Variants in APH1B observed in about 807,000 individuals in gnomAD.
The protein encoded by APH1B is gamma-secretase subunit APH-1B.
A neutral mutation model predicts 28.2 loss-of-function variants in APH1B; 27 were observed. That is an observed-to-expected ratio of 0.96 (90% CI 0.70 to 1.32). The LOEUF (loss-of-function observed/expected upper bound fraction) is 1.32. Ranked by LOEUF, APH1B falls within the 40% of genes most tolerant of loss-of-function variation. APH1B has a pLI of 0.00. For missense variants in APH1B, 305 were observed against 313.6 expected (o/e 0.97, Z 0.21); for synonymous variants, 141 against 124.6 (o/e 1.13, Z -0.88).
intron 2 of APH1B, among the ~76,000 whole-genome samples, chr15:63,280,994 C>G (rs891739704): frequency 6.6e-6 from 1 of 151,930 alleles, no homozygotes; most frequent in African/African-American, 2.4e-5. Flanking sequence ...ACAACAAATA[C>G]AAAAATTAAC....
chr15:63,296,051 A>T (rs1489677492), intron 4 of APH1B, among the ~76,000 whole-genome samples: 1 of 152,268 alleles, frequency 6.6e-6, no homozygotes, highest in Non-Finnish European at 1.5e-5. Flanking sequence ...TCTATATTAC[A>T]GTAAATCAGG....
chr15:63,307,362 T>C lies in APH1B; in HGVS notation c.*1581T>C, dbSNP rs1367038853. On this transcript the variant is annotated 3_prime_UTR_variant, in exon 6 of 6. Coordinates refer to ENST00000261879, the MANE Select transcript of APH1B (RefSeq NM_031301.4). ...CCCCATGTTTAAAATATTAGAATGTTTAGAGATAAAATAGAGATAATAGAG... is the reference window on the plus strand; with the variant it reads ...CCCCATGTTTAAAATATTAGAATGTCTAGAGATAAAATAGAGATAATAGAG... 6.6e-6 allele frequency: 1 copy of C among 152,060 alleles called. No individual in the cohort carries two copies. The highest frequency in any genetic ancestry group is 1.9e-4 in the East Asian group (1 of 5,198). 9.4% of individuals were successfully genotyped at this position (152,060 alleles called of 1,614,324 possible).
At chr15:63,277,791 G>A in intron 1 of APH1B, 55 bp downstream of exon 1, 2 of 1,545,792 alleles carry the variant, frequency 1.3e-6, no homozygotes, top group Non-Finnish European at 1.8e-6. Context: ...CCCCGCTGGG[G>A]TTACCCGCGA....
rs2038713130 is a variant in APH1B, at chr15:63,308,779, G to A, written c.*2998G>A. The A allele has an allele frequency of 6.6e-6, 1 of 152,220 alleles. No individual in the cohort carries two copies. The highest frequency in any genetic ancestry group is 2.1e-4 in the South Asian group (1 of 4,832). 9.4% of individuals were successfully genotyped at this position (152,220 alleles called of 1,614,324 possible). On this transcript the variant is annotated 3_prime_UTR_variant, in exon 6 of 6. Coordinates refer to ENST00000261879, the MANE Select transcript of APH1B (RefSeq NM_031301.4). ...TTCCAGGGAAGAGTTCCTGGAGGGT[G>A]TTGGCTGTTTTTGTTAGCTCAGTTT...
intron 5 of APH1B, among the ~76,000 whole-genome samples, chr15:63,303,230 C>T (rs765610809): frequency 9.2e-5 from 14 of 152,216 alleles, no homozygotes; most frequent in Non-Finnish European, 1.3e-4. Flanking sequence ...TCAAAACATT[C>T]TCAGCCCCCA....
rs942755041 is a variant in APH1B, at chr15:63,307,466, C to G, written c.*1685C>G. 2.0e-5 allele frequency: 3 copies of G among 152,188 alleles called. No homozygotes were observed. The highest frequency in any genetic ancestry group is 4.4e-5 in the Non-Finnish European group (3 of 68,034). The allele number at this position is 152,188 out of a possible 1,614,324, so 9.4% of individuals were successfully genotyped here. A position where few individuals can be genotyped will look rare whatever the true frequency, so the allele number is the denominator to read the frequency against. ...GTGGTTATTCCCCTAAAGTTTACTT[C>G]AGCACTAACACTAGTGCTTCCGCTG... On this transcript the variant is annotated 3_prime_UTR_variant, in exon 6 of 6. Transcript: ENST00000261879.
At chr15:63,291,875 A>G (rs1345063027) in intron 4 of APH1B, 2 of 152,212 alleles carry the variant, frequency 1.3e-5, no homozygotes, top group East Asian at 1.9e-4. Flanking sequence ...GTTAATGGCC[A>G]CTTAGCCTGG....
In APH1B at chr15:63,298,367, C is replaced by T. The variant is rs548402184; in HGVS notation, c.479-3978C>T. Among the ~76,000 whole-genome samples, 6 of 152,204 alleles carry T rather than the reference C, an allele frequency of 3.9e-5. No individual in the cohort carries two copies. In the South Asian group the frequency reaches 1.2e-3, roughly 32 times the overall value. ...CTGAAACTACAGCTGCACACTGCCA[C>T]GCCTGGCTAATTTTTGTATTTGTTG... On this transcript the variant is annotated intron_variant, in intron 4 of 5. Transcript: ENST00000261879.
At chr15:63,284,839 T>G (rs1307946418) in intron 2 of APH1B, among the ~76,000 whole-genome samples, 1 of 152,262 alleles carries the variant, frequency 6.6e-6, no homozygotes, top group East Asian at 1.9e-4. Flanking sequence ...CTTCTTTGTG[T>G]CCACATGGAT....
intron 1 of APH1B, chr15:63,278,067 T>A: frequency 2.6e-6 from 1 of 389,120 alleles, no homozygotes; most frequent in South Asian, 2.3e-5. Flanking sequence ...TTCCCTCAGA[T>A]TCTCAAAGGC....
intron 4 of APH1B, among the ~76,000 whole-genome samples, chr15:63,294,428 A>T (rs898872013): frequency 1.3e-5 from 2 of 152,086 alleles, no homozygotes; most frequent in African/African-American, 4.8e-5. Flanking sequence ...AACCTCCTCC[A>T]TGCCCACTTC....
chr15:63,305,776 A>T lies in APH1B; in HGVS notation c.769A>T (p.Arg257Ter), dbSNP rs1306316352. The change falls in exon 6 of 6, where the codon AGA becomes TGA. Residue 257 changes from arginine to a stop codon, truncating the protein, a stop_gained. Transcript: ENST00000261879. LOFTEE classifies it high-confidence loss of function. ...CTTTCTTCTTTACAACCAGCGCTCCAGATAACCTCAGGGAACCAGCACTTC... is the reference window on the plus strand; with the variant it reads ...CTTTCTTCTTTACAACCAGCGCTCCTGATAACCTCAGGGAACCAGCACTTC... ...KNFLLYNQRS[R>*] The T allele has an allele frequency of 3.7e-6, 6 of 1,613,460 alleles. No individual in the cohort carries two copies. In the Admixed American group the frequency reaches 1.0e-4, roughly 27 times the overall value.
intron 5 of APH1B, among the ~76,000 whole-genome samples, chr15:63,303,564 C>T (rs916210802): frequency 1.3e-5 from 2 of 152,186 alleles, no homozygotes; most frequent in African/African-American, 4.8e-5. Flanking sequence ...GGCACGATCA[C>T]GGCTCATTGC....
intron 4 of APH1B, among the ~76,000 whole-genome samples, chr15:63,288,246 C>G (rs892166489): frequency 2.6e-5 from 4 of 152,062 alleles, no homozygotes; most frequent in Non-Finnish European, 5.9e-5. Flanking sequence ...AACATCTATG[C>G]TAAAGCTCCT....
chr15:63,286,614 G>A lies in APH1B; in HGVS notation c.341G>A (p.Arg114Gln), dbSNP rs770117044. 72 of 1,606,432 alleles carry A rather than the reference G, an allele frequency of 4.5e-5. No homozygotes were observed. Among genetic ancestry groups the A allele is most frequent in the Non-Finnish European group, 5.9e-5 (69 of 1,177,474 alleles). ...CCAGGTGAGACAGCACCCTCTATGCGACTGCTGGCCTATGGTAAGTTAGAA... is the reference window on the plus strand; with the variant it reads ...CCAGGTGAGACAGCACCCTCTATGCAACTGCTGGCCTATGGTAAGTTAGAA... ...INPGETAPSMRLLAYVSGLGF... is the reference protein window; with the variant it reads ...INPGETAPSMQLLAYVSGLGF... The change falls in exon 3 of 6, where the codon CGA becomes CAA. Residue 114 changes from arginine (R) to glutamine (Q), a missense_variant. Coordinates refer to ENST00000261879, the MANE Select transcript of APH1B (RefSeq NM_031301.4).
At chr15:63,279,958 C>T (rs933004365) in intron 2 of APH1B, among the ~76,000 whole-genome samples, 3 of 151,964 alleles carry the variant, frequency 2.0e-5, no homozygotes, top group African/African-American at 2.4e-5. Flanking sequence ...CCACCATGCC[C>T]GGCTAATTTT....
chr15:63,279,767 T>C (rs2038365636), intron 2 of APH1B, among the ~76,000 whole-genome samples: 1 of 151,882 alleles, frequency 6.6e-6, no homozygotes, highest in Non-Finnish European at 1.5e-5. Context: ...AGAATGTATA[T>C]GTTCTCTTTG....
intron 4 of APH1B, among the ~76,000 whole-genome samples, chr15:63,296,430 C>G (rs1033789045): frequency 9.2e-5 from 14 of 152,298 alleles, no homozygotes; most frequent in Admixed American, 2.0e-4. Context: ...TTAGAGATAC[C>G]CTGCCCGTGT....
Position 63,279,214 on chromosome 15 carries a change from C to G in APH1B, c.167C>G (p.Ala56Gly). The stretch of plus-strand genomic sequence containing the variant: ...ATTTCGTCCCTTGTTTGGTTCATGG[C>G]AAGAGTCATTATTGACAACAAAGAT... ...LLISSLVWFM[A>G]RVIIDNKDGP... Residue 56 changes from alanine to glycine, a missense_variant, in exon 2 of 6, where the codon GCA (alanine) becomes GGA (glycine). Ala to Gly is a moderately conservative substitution (Grantham distance 60). Coordinates refer to ENST00000261879, the MANE Select transcript of APH1B (RefSeq NM_031301.4). The G allele has an allele frequency of 1.9e-6, 3 of 1,612,254 alleles. No individual in the cohort carries two copies. The highest frequency in any genetic ancestry group is 2.5e-6 in the Non-Finnish European group (3 of 1,178,798).
Sources: allele counts gnomAD v4.1 joint callset (sites outside exome capture counted in the v4.1 genomes callset), GRCh38; gene constraint gnomAD v4.1.1; transcripts MANE v1.5; gene names NCBI Gene and HGNC (gene_info 2026-07-23, HGNC 2026-07-21).